Variants in ZNF277 observed in about 807,000 individuals in gnomAD.
The protein encoded by ZNF277 is zinc finger protein 277.
A neutral mutation model predicts 60.7 loss-of-function variants in ZNF277; 55 were observed. The observed-to-expected ratio is 0.91, with a 90% CI of 0.73 to 1.13. The LOEUF (loss-of-function observed/expected upper bound fraction) is 1.13, where lower values mean the gene tolerates loss of function less well. Ranked by LOEUF, ZNF277 falls within the 50% of genes most tolerant of loss-of-function variation. The probability of loss-of-function intolerance (pLI) is 0.00; values close to 1 mark genes in which losing one functional copy is unlikely to be tolerated. For missense variants in ZNF277, 510 were observed against 523.0 expected (o/e 0.98, Z 0.24); for synonymous variants, 178 against 179.3 (o/e 0.99, Z 0.06).
At chr7:112,290,115 C>T (rs1382357184) in intron 2 of ZNF277, among the ~76,000 whole-genome samples, 5 of 152,134 alleles carry the variant, frequency 3.3e-5, no homozygotes, top group African/African-American at 9.7e-5. Context: ...TGTGAGCCAC[C>T]GTGCCTAGCC....
intron 9 of ZNF277, among the ~76,000 whole-genome samples, chr7:112,338,712 G>T (rs935113986): frequency 6.6e-6 from 1 of 152,156 alleles, no homozygotes; most frequent in Non-Finnish European, 1.5e-5. Context: ...GTTCCCACTA[G>T]TATGTGTGTA....
At chr7:112,321,030 T>TTC (rs1325820548) in intron 5 of ZNF277, among the ~76,000 whole-genome samples, 1 of 149,900 alleles carries the variant, frequency 6.7e-6, no homozygotes. Context: ...CAAGCCATTC[T>TTC]TCTGCCTCAG....
intron 1 of ZNF277, among the ~76,000 whole-genome samples, chr7:112,233,572 A>G (rs1196919473): frequency 6.6e-6 from 1 of 152,212 alleles, no homozygotes; most frequent in African/African-American, 2.4e-5. Flanking sequence ...TTAGCATGTC[A>G]TCATTATGCA....
At chr7:112,327,508 C>G (rs559031076) in intron 5 of ZNF277, among the ~76,000 whole-genome samples, 1 of 152,190 alleles carries the variant, frequency 6.6e-6, no homozygotes, top group Non-Finnish European at 1.5e-5. Flanking sequence ...GATAGTAGAA[C>G]AAACTTTGGT....
At chr7:112,222,395 C>T (rs1450555655) in intron 1 of ZNF277, among the ~76,000 whole-genome samples, 1 of 152,204 alleles carries the variant, frequency 6.6e-6, no homozygotes, top group Non-Finnish European at 1.5e-5. Flanking sequence ...TTTTCCCTTT[C>T]TTCATAATTG....
At chr7:112,296,708 A>T (rs1233088220) in intron 4 of ZNF277, among the ~76,000 whole-genome samples, 1 of 150,910 alleles carries the variant, frequency 6.6e-6, no homozygotes, top group Non-Finnish European at 1.5e-5. Flanking sequence ...ATGCACTAGC[A>T]TTTTTTTTAT....
At chr7:112,226,282 C>G (rs1397964903) in intron 1 of ZNF277, among the ~76,000 whole-genome samples, 2 of 151,888 alleles carry the variant, frequency 1.3e-5, no homozygotes. Flanking sequence ...TATAGGATGC[C>G]AAAGCACAGG....
At chr7:112,299,418 T>C (rs1792423577) in intron 4 of ZNF277, among the ~76,000 whole-genome samples, 1 of 152,152 alleles carries the variant, frequency 6.6e-6, no homozygotes, top group African/African-American at 2.4e-5. Context: ...TTCAGCTGCT[T>C]TTAAGAATGT....
At chr7:112,326,440 C>CTCT (rs1389385335) in intron 5 of ZNF277, among the ~76,000 whole-genome samples, 4 of 152,120 alleles carry the variant, frequency 2.6e-5, no homozygotes, top group African/African-American at 9.7e-5. Flanking sequence ...TTCACCTGAA[C>CTCT]TCTTCCACAG....
intron 8 of ZNF277, among the ~76,000 whole-genome samples, chr7:112,336,477 A>G (rs1794586791): frequency 6.6e-6 from 1 of 152,190 alleles, no homozygotes; most frequent in African/African-American, 2.4e-5. Context: ...CCTTGAAGTG[A>G]TGTGATCTTT....
chr7:112,257,159 T>C (rs1284180597), intron 1 of ZNF277, among the ~76,000 whole-genome samples: 1 of 152,240 alleles, frequency 6.6e-6, no homozygotes, highest in Non-Finnish European at 1.5e-5. Context: ...TATTACTTGC[T>C]GACGCCACAC....
At chr7:112,327,899 T>A in intron 6 of ZNF277, 72 bp downstream of exon 6, 1 of 994,510 alleles carries the variant, frequency 1.0e-6, no homozygotes, top group Non-Finnish European at 1.4e-6. Flanking sequence ...ATTTTTAAAT[T>A]AATTTAATAG....
At chr7:112,324,424 A>C (rs1793054552) in intron 5 of ZNF277, among the ~76,000 whole-genome samples, 1 of 152,202 alleles carries the variant, frequency 6.6e-6, no homozygotes, top group African/African-American at 2.4e-5. Context: ...ATTTCCCATA[A>C]ATTAAAGCAA....
intron 1 of ZNF277, among the ~76,000 whole-genome samples, chr7:112,274,614 A>T (rs1791750321): frequency 6.6e-6 from 1 of 152,220 alleles, no homozygotes; most frequent in Admixed American, 6.5e-5. Context: ...AAATAGGGAT[A>T]ATCTTAGCCC....
chr7:112,338,564 T>C (rs1028348307), intron 9 of ZNF277, among the ~76,000 whole-genome samples: 1 of 152,186 alleles, frequency 6.6e-6, no homozygotes, highest in Non-Finnish European at 1.5e-5. Flanking sequence ...CTGCCAATAG[T>C]GGACCATATT....
rs1203632589 is a variant in ZNF277, at chr7:112,210,290, G to A, written c.91+3483G>A. 2.0e-5 allele frequency among the ~76,000 whole-genome samples: 3 copies of A among 152,132 alleles called. No homozygotes were observed. In the East Asian group the frequency reaches 5.8e-4, roughly 29 times the overall value. On this transcript the variant is annotated intron_variant, in intron 1 of 11. Coordinates refer to ENST00000361822, the MANE Select transcript of ZNF277 (RefSeq NM_021994.3). ...GTGAGGCCTAGGAAGACTTTTTATA[G>A]AAATCCTTGCAATTCCTCAAAATCT...
chr7:112,261,278 A>G (rs768735459), intron 1 of ZNF277, among the ~76,000 whole-genome samples: 2 of 152,242 alleles, frequency 1.3e-5, no homozygotes, highest in Non-Finnish European at 1.5e-5. Flanking sequence ...AGTAAAGTAC[A>G]TACTTGAAGA....
intron 10 of ZNF277, 61 bp from the exon 11 acceptor site, chr7:112,340,811 T>A (rs988224234): frequency 6.7e-7 from 1 of 1,485,680 alleles, no homozygotes; most frequent in African/African-American, 1.4e-5. Context: ...TAAGAAATTA[T>A]AATAGTGCAA....
intron 1 of ZNF277, among the ~76,000 whole-genome samples, chr7:112,244,621 A>C (rs545321633): frequency 6.6e-6 from 1 of 152,178 alleles, no homozygotes; most frequent in African/African-American, 2.4e-5. Context: ...AAAAAGTTAG[A>C]TGTATTTTCC....
Sources: allele counts gnomAD v4.1 joint callset (sites outside exome capture counted in the v4.1 genomes callset), GRCh38; gene constraint gnomAD v4.1.1; transcripts MANE v1.5; gene names NCBI Gene and HGNC (gene_info 2026-07-23, HGNC 2026-07-21).